P2RY8: variants seen among roughly 807,000 people sequenced by gnomAD.
The protein encoded by P2RY8 is S-geranylgeranyl-glutathione receptor P2RY8.
Under a neutral mutation model 10.0 loss-of-function variants are expected in P2RY8, and 6 were observed. That is an observed-to-expected ratio of 0.60 (90% CI 0.33 to 1.19). P2RY8 has a LOEUF of 1.19. P2RY8 is among the 50% of genes most tolerant of loss of function. The pLI is 0.04. For missense variants in P2RY8, 456 were observed against 542.0 expected (o/e 0.84, Z 1.58); for synonymous variants, 276 against 252.5 (o/e 1.09, Z -0.88).
chrX:1,494,644 T>C (rs1162033777), intron 1 of P2RY8, among the ~76,000 whole-genome samples: 8 of 152,172 alleles, frequency 5.3e-5, no homozygotes, highest in Non-Finnish European at 7.3e-5. Context: ...CTTGGATATA[T>C]TGGATATTAC....
chrX:1,479,984 G>T (rs776910437), intron 1 of P2RY8, among the ~76,000 whole-genome samples: 3 of 152,240 alleles, frequency 2.0e-5, no homozygotes, highest in Admixed American at 2.0e-4. Context: ...AAATTGAATC[G>T]ATAATTTAAT....
chrX:1,487,305 G>A (rs2091995770), intron 1 of P2RY8, among the ~76,000 whole-genome samples: 1 of 152,216 alleles, frequency 6.6e-6, no homozygotes, highest in Non-Finnish European at 1.5e-5. Context: ...AGAAGGTCAA[G>A]TGTGCTTGAG....
intron 1 of P2RY8, among the ~76,000 whole-genome samples, chrX:1,480,271 G>A (rs1479976712): frequency 6.6e-6 from 1 of 150,980 alleles, no homozygotes; most frequent in Non-Finnish European, 1.5e-5. Context: ...AGCAACAGAG[G>A]TTGACATGTT....
chrX:1,525,912 TCATC>T (rs1405319029), intron 1 of P2RY8, among the ~76,000 whole-genome samples: 17 of 151,816 alleles, frequency 1.1e-4, no homozygotes, highest in South Asian at 4.2e-4. Context: ...ATCCTTCCAT[TCATC>T]CATCCATCCA....
chrX:1,524,989 CAAG>C (rs2092430882), intron 1 of P2RY8, among the ~76,000 whole-genome samples: 1 of 152,194 alleles, frequency 6.6e-6, no homozygotes, highest in Admixed American at 6.5e-5. Flanking sequence ...TTCAGCTGCT[CAAG>C]AAGGTGGTCT....
chrX:1,497,201 G>A (rs1440921417), intron 1 of P2RY8, among the ~76,000 whole-genome samples: 1 of 119,816 alleles, frequency 8.3e-6, no homozygotes, highest in Non-Finnish European at 1.6e-5. Flanking sequence ...CAGCCTGGGG[G>A]ACAGAGTGGG....
intron 1 of P2RY8, among the ~76,000 whole-genome samples, chrX:1,525,392 G>T (rs577527215): frequency 1.3e-3 from 199 of 152,258 alleles, no homozygotes; most frequent in African/African-American, 2.0e-3. Flanking sequence ...AGACTGGGAC[G>T]CAGACATGCA....
chrX:1,519,490 C>A (rs1255962192), intron 1 of P2RY8, among the ~76,000 whole-genome samples: 2 of 151,854 alleles, frequency 1.3e-5, no homozygotes, highest in African/African-American at 4.8e-5. Flanking sequence ...TCTCTCTGGT[C>A]CCCAATCATC....
Position 1,466,214 on chromosome X carries a change from G to A in P2RY8, c.345C>T (p.Thr115=), listed in dbSNP as rs1181999171. 5.6e-6 allele frequency: 9 copies of A among 1,613,322 alleles called. No individual in the cohort carries two copies. In the African/African-American group the frequency reaches 1.1e-4, roughly 19 times the overall value. The part of the protein sequence containing the change: ...ANMYSSILTM[T]CISVERFLGV... ...CCAGGAAGCGCTCCACGCTGATACAGGTCATGGTGAGGATGCTGGAATACA... is the reference window on the plus strand; with the variant it reads ...CCAGGAAGCGCTCCACGCTGATACAAGTCATGGTGAGGATGCTGGAATACA... Residue 115 remains threonine, a synonymous_variant, in exon 2 of 2, where the codon ACC becomes ACT. Transcript: ENST00000381297.
At chrX:1,532,835 A>G (rs1211559461) in intron 1 of P2RY8, among the ~76,000 whole-genome samples, 1 of 151,808 alleles carries the variant, frequency 6.6e-6, no homozygotes, top group African/African-American at 2.4e-5. Flanking sequence ...CCCCGTCTCT[A>G]CTAAAAATAC....
chrX:1,502,449 A>G (rs1357248979), intron 1 of P2RY8, among the ~76,000 whole-genome samples: 1 of 151,852 alleles, frequency 6.6e-6, no homozygotes, highest in Non-Finnish European at 1.5e-5. Context: ...TCCTCTTTCT[A>G]CTGACTCTCT....
chrX:1,477,161 C>G (rs1468089180), intron 1 of P2RY8, among the ~76,000 whole-genome samples: 5 of 151,384 alleles, frequency 3.3e-5, no homozygotes, highest in African/African-American at 1.2e-4. Flanking sequence ...TGCACCCCAG[C>G]CTGGGCGACA....
intron 1 of P2RY8, among the ~76,000 whole-genome samples, chrX:1,508,823 A>G (rs1282212041): frequency 1.2e-4 from 17 of 143,276 alleles, no homozygotes; most frequent in African/African-American, 4.5e-4. Flanking sequence ...TCATCTATGC[A>G]TCCATCCATC....
At chrX:1,491,227 G>A (rs1252039337) in intron 1 of P2RY8, among the ~76,000 whole-genome samples, 8 of 149,048 alleles carry the variant, frequency 5.4e-5, no homozygotes, top group African/African-American at 2.0e-4. Context: ...GCAAATGTGG[G>A]GGGAATGAAT....
chrX:1,509,091 G>GTATCTATC (rs1318714328), intron 1 of P2RY8, among the ~76,000 whole-genome samples: 220 of 129,824 alleles, frequency 1.7e-3, no homozygotes, highest in Admixed American at 5.7e-3. Flanking sequence ...ATCTATCTAT[G>GTATCTATC]TATCTATGTA....
rs751056296 is a variant in P2RY8 at position 1,521,944 on chromosome X, C to CTTTTTTTTT, written c.-25+14968_-25+14976dup. On this transcript the variant is annotated intron_variant, in intron 1 of 1. Coordinates refer to ENST00000381297, the MANE Select transcript of P2RY8 (RefSeq NM_178129.5). Reference sequence around the variant, plus strand: ...TGTCTTTCTCTTTCTCTCTCGCTCTCTTTTTTTTTTTTTTTTTTTTTTTTT... The same window carrying CTTTTTTTTT: ...TGTCTTTCTCTTTCTCTCTCGCTCTCTTTTTTTTTTTTTTTTTTTTTTTTTTTTTTTTTT... Among the ~76,000 whole-genome samples the CTTTTTTTTT allele has an allele frequency of 7.5e-3, 293 of 39,026 alleles. 54 individuals are homozygous for CTTTTTTTTT. The highest frequency in any genetic ancestry group is 0.083 in the Middle Eastern group (2 of 24). 25.6% of individuals were successfully genotyped at this position (39,026 alleles called of 152,430 possible).
Position 1,526,413 on chromosome X carries a change from G to GCATC in P2RY8, c.-25+10504_-25+10507dup, listed in dbSNP as rs201981061. Among the ~76,000 whole-genome samples, 780 of 151,672 alleles carry GCATC rather than the reference G, an allele frequency of 5.1e-3. 10 individuals are homozygous for GCATC. Among genetic ancestry groups the GCATC allele is most frequent in the African/African-American group, 0.017 (699 of 41,226 alleles). On this transcript the variant is annotated intron_variant, in intron 1 of 1. Coordinates refer to ENST00000381297, the MANE Select transcript of P2RY8 (RefSeq NM_178129.5). ...TTCACTCACCCATTCATTTATTCAT[G>GCATC]CATCCATTCATTCATTCATTCATTC...
chrX:1,463,129 C>T lies in P2RY8; in HGVS notation c.*2350G>A, dbSNP rs1318082655. On this transcript the variant is annotated 3_prime_UTR_variant, in exon 2 of 2. Coordinates refer to ENST00000381297, the MANE Select transcript of P2RY8 (RefSeq NM_178129.5). ...GTTTACAAGGCAGTTTAGGGATCGT[C>T]CGTGCGTTACTGTGAAGATGCTACT... 5 of 233,028 alleles carry T rather than the reference C, an allele frequency of 2.1e-5. No homozygotes were observed. The highest frequency in any genetic ancestry group is 1.1e-4 in the Admixed American group (2 of 17,744). The allele number at this position is 233,028 out of a possible 1,614,324, so 14.4% of individuals were successfully genotyped here. A position where few individuals can be genotyped will look rare whatever the true frequency, so the allele number is the denominator to read the frequency against.
intron 1 of P2RY8, among the ~76,000 whole-genome samples, chrX:1,491,695 A>G (rs1358636786): frequency 6.6e-6 from 1 of 152,212 alleles, no homozygotes; most frequent in Admixed American, 6.5e-5. Flanking sequence ...CGAATGAGTG[A>G]TGGAATGTGT....
Sources: allele counts gnomAD v4.1 joint callset (sites outside exome capture counted in the v4.1 genomes callset), GRCh38; gene constraint gnomAD v4.1.1; transcripts MANE v1.5; gene names NCBI Gene and HGNC (gene_info 2026-07-23, HGNC 2026-07-21).